Variants in SOX6 observed in about 807,000 individuals in gnomAD.
SOX6 encodes the protein SRY-box transcription factor 6.
SOX6 carries 11 observed loss-of-function variants against 97.8 expected under a neutral mutation model. That is an observed-to-expected ratio of 0.11 (90% CI 0.07 to 0.19). The LOEUF (loss-of-function observed/expected upper bound fraction) is 0.19, where lower values mean the gene tolerates loss of function less well. Among genes scored for constraint, SOX6 ranks in the 10% least tolerant of loss-of-function variants. The pLI is 1.00. For synonymous variants in SOX6, 360 were observed against 371.4 expected (o/e 0.97, Z 0.35); for missense variants, 810 against 1,039.5 (o/e 0.78, Z 3.04).
At chr11:16,215,117 A>G (rs1406985443) in intron 4 of SOX6, among the ~76,000 whole-genome samples, 1 of 152,178 alleles carries the variant, frequency 6.6e-6, no homozygotes, top group Non-Finnish European at 1.5e-5. Context: ...AATGTCCTCT[A>G]TATATTCCCA....
At chr11:16,042,893 T>C (rs1357441599) in intron 12 of SOX6, among the ~76,000 whole-genome samples, 2 of 152,172 alleles carry the variant, frequency 1.3e-5, no homozygotes, top group African/African-American at 2.4e-5. Context: ...TGACTTTTCA[T>C]GTGCAGTTGT....
chr11:16,577,430 T>C lies in SOX6; in HGVS notation n.609+34651A>G, dbSNP rs545307240. On this transcript the variant is annotated intron_variant and non_coding_transcript_variant, in intron 4 of 5. Transcript: ENST00000524520. ...TCAGAGAGAGTCGTATCTCAGCTAG[T>C]AGGAGTGAAATTGTTGTGCTATACA... is the stretch of plus-strand genomic sequence containing the variant. Among the ~76,000 whole-genome samples the C allele has an allele frequency of 3.9e-5, 6 of 152,302 alleles. No individual in the cohort carries two copies. In the South Asian group the frequency reaches 1.2e-3, roughly 32 times the overall value.
intron 4 of SOX6, among the ~76,000 whole-genome samples, chr11:16,604,624 G>A (rs1848312325): frequency 6.6e-6 from 1 of 152,186 alleles, no homozygotes; most frequent in Non-Finnish European, 1.5e-5. Flanking sequence ...GGACGGCTTC[G>A]GGCCACCTCT....
At chr11:16,711,641 A>T (rs1412817620) in intron 3 of SOX6, among the ~76,000 whole-genome samples, 1 of 152,188 alleles carries the variant, frequency 6.6e-6, no homozygotes, top group Non-Finnish European at 1.5e-5. Context: ...ACCTCAACTT[A>T]TGCCAGTCTC....
At chr11:16,052,198 G>T (rs1197524200) in intron 10 of SOX6, among the ~76,000 whole-genome samples, 1 of 152,008 alleles carries the variant, frequency 6.6e-6, no homozygotes, top group Non-Finnish European at 1.5e-5. Flanking sequence ...ACTGGGCATG[G>T]CTATCACCTA....
At position 16,510,414 on chromosome 11, in the gene SOX6, G is replaced by A. The variant is rs563564022; in HGVS notation, n.610-34026C>T. On this transcript the variant is annotated intron_variant and non_coding_transcript_variant, in intron 4 of 5. Transcript: ENST00000524520. ...CATCTGATCCTGGCCTACATGAATG[G>A]GGCAACTCTTAAATTGCTTCAGTAT... Among the ~76,000 whole-genome samples the A allele has an allele frequency of 2.6e-5, 4 of 151,882 alleles. No homozygotes were observed. The South Asian group carries it at 8.3e-4, about 32-fold the overall frequency.
chr11:16,426,782 C>A (rs946263193), intron 1 of SOX6, among the ~76,000 whole-genome samples: 1 of 150,222 alleles, frequency 6.7e-6, no homozygotes. Context: ...GGCGTAGTGG[C>A]GGGCGCCTGT....
At position 16,560,262 on chromosome 11, in the gene SOX6, C is replaced by A. The variant is rs1313012848; in HGVS notation, n.609+51819G>T. Among the ~76,000 whole-genome samples the A allele has an allele frequency of 2.0e-5, 3 of 152,226 alleles. No homozygotes were observed. The East Asian group carries it at 5.8e-4, about 29-fold the overall frequency. Reference sequence around the variant, plus strand: ...AGCTCTATAGTGCATGCCTTAATGACCTCTACAAACCATGACACTAAAATA... The same window carrying A: ...AGCTCTATAGTGCATGCCTTAATGAACTCTACAAACCATGACACTAAAATA... On this transcript the variant is annotated intron_variant and non_coding_transcript_variant, in intron 4 of 5. Transcript: ENST00000524520.
In SOX6 at chr11:16,482,488, G is replaced by A. The variant is rs1347170488; in HGVS notation, n.610-6100C>T. ...ACTGGGAAGCGATCATGATTGTGGT[G>A]GTGGGTAAAAGCTTTGCAAACTACT... On this transcript the variant is annotated intron_variant and non_coding_transcript_variant, in intron 4 of 5. Transcript: ENST00000524520. Among the ~76,000 whole-genome samples the A allele has an allele frequency of 2.6e-5, 4 of 152,226 alleles. No individual in the cohort carries two copies. In the South Asian group the frequency reaches 6.2e-4, roughly 24 times the overall value.
At chr11:16,625,433 G>A (rs1196608240) in intron 3 of SOX6, among the ~76,000 whole-genome samples, 1 of 152,138 alleles carries the variant, frequency 6.6e-6, no homozygotes, top group South Asian at 2.1e-4. Flanking sequence ...TTCTTAAGAG[G>A]TAGGAGTGCT....
At chr11:16,041,870 T>A (rs1855678712) in intron 12 of SOX6, among the ~76,000 whole-genome samples, 1 of 152,160 alleles carries the variant, frequency 6.6e-6, no homozygotes, top group Admixed American at 6.6e-5. Flanking sequence ...TAACTAGCCT[T>A]TTTTTCTCTT....
chr11:16,152,303 T>C (rs1850479613), intron 6 of SOX6, among the ~76,000 whole-genome samples: 1 of 152,160 alleles, frequency 6.6e-6, no homozygotes, highest in African/African-American at 2.4e-5. Context: ...TCATTTTCAA[T>C]GGTCAAAAGT....
chr11:16,135,287 T>G (rs1252444597), intron 6 of SOX6, among the ~76,000 whole-genome samples: 1 of 152,206 alleles, frequency 6.6e-6, no homozygotes, highest in East Asian at 1.9e-4. Flanking sequence ...CATTTTGCAG[T>G]CCATGGATCA....
At chr11:16,691,142 G>A (rs1848010244) in intron 3 of SOX6, among the ~76,000 whole-genome samples, 1 of 152,164 alleles carries the variant, frequency 6.6e-6, no homozygotes, top group Non-Finnish European at 1.5e-5. Flanking sequence ...GAGTTAGTTG[G>A]CACAATCCTG....
intron 3 of SOX6, among the ~76,000 whole-genome samples, chr11:16,654,730 T>G (rs946078631): frequency 6.6e-6 from 1 of 152,264 alleles, no homozygotes; most frequent in Non-Finnish European, 1.5e-5. Context: ...TGTTTCATTG[T>G]CTTCTAGCAT....
intron 3 of SOX6, among the ~76,000 whole-genome samples, chr11:16,291,837 T>C (rs1191078956): frequency 6.6e-6 from 1 of 152,146 alleles, no homozygotes; most frequent in African/African-American, 2.4e-5. Flanking sequence ...AACTTAAGTC[T>C]ATTAGTCTTT....
chr11:16,597,548 G>A (rs760578408), intron 4 of SOX6, among the ~76,000 whole-genome samples: 1 of 151,668 alleles, frequency 6.6e-6, no homozygotes, highest in Non-Finnish European at 1.5e-5. Context: ...TTTAATTTTG[G>A]TCTTCACACA....
intron 9 of SOX6, among the ~76,000 whole-genome samples, chr11:16,066,594 C>T (rs1340533341): frequency 6.6e-6 from 1 of 152,112 alleles, no homozygotes; most frequent in Non-Finnish European, 1.5e-5. Flanking sequence ...TTGTCATTTG[C>T]AACAACATGA....
At chr11:16,484,699 C>G in intron 4 of SOX6, 1 of 588,754 alleles carries the variant, frequency 1.7e-6, no homozygotes, top group Admixed American at 2.8e-5. Flanking sequence ...GACTCCCACC[C>G]AGAACCGTGC....
Sources: gnomAD v4.1 joint callset for allele counts (sites outside exome capture counted in the v4.1 genomes callset) on GRCh38, gnomAD v4.1.1 for gene constraint, MANE v1.5 for transcripts, NCBI Gene and HGNC (gene_info 2026-07-23, HGNC 2026-07-21) for gene names.